Variants in GABRG3 observed in about 807,000 individuals in gnomAD.
The protein encoded by GABRG3 is gamma-aminobutyric acid receptor subunit gamma-3.
A neutral mutation model predicts 48.8 loss-of-function variants in GABRG3; 25 were observed. The observed-to-expected ratio is 0.51, with a 90% CI of 0.37 to 0.72. The LOEUF is 0.72. Among genes scored for constraint, GABRG3 ranks in the 30% least tolerant of loss-of-function variants. The probability of loss-of-function intolerance (pLI) is 0.00; values close to 1 mark genes in which losing one functional copy is unlikely to be tolerated. For synonymous variants in GABRG3, 227 were observed against 217.6 expected, an observed-to-expected ratio of 1.04 and a Z score of -0.38; for missense variants, 394 against 577.9, an observed-to-expected ratio of 0.68 and a Z score of 3.26.
At chr15:27,048,784 T>C (rs1595493125) in intron 3 of GABRG3, among the ~76,000 whole-genome samples, 1 of 152,198 alleles carries the variant, frequency 6.6e-6, no homozygotes, top group African/African-American at 2.4e-5. Context: ...CTGTGCCAGG[T>C]TGTGGCAACC....
At chr15:27,495,395 C>T (rs1255616872) in intron 6 of GABRG3, among the ~76,000 whole-genome samples, 1 of 152,148 alleles carries the variant, frequency 6.6e-6, no homozygotes, top group Non-Finnish European at 1.5e-5. Flanking sequence ...GATGATTCCA[C>T]CTCTTGGCTA....
intron 3 of GABRG3, among the ~76,000 whole-genome samples, chr15:27,160,700 T>A (rs533755971): frequency 2.6e-5 from 4 of 152,164 alleles, no homozygotes; most frequent in Non-Finnish European, 4.4e-5. Context: ...CCATAGTTTC[T>A]GGAAGTTTTC....
intron 5 of GABRG3, among the ~76,000 whole-genome samples, chr15:27,476,444 C>T (rs980917295): frequency 4.0e-5 from 6 of 151,532 alleles, no homozygotes; most frequent in Admixed American, 3.3e-4. Context: ...CTAGATATCA[C>T]CAAGTAGACA....
chr15:27,449,895 C>T (rs999484434), intron 5 of GABRG3, among the ~76,000 whole-genome samples: 4 of 152,200 alleles, frequency 2.6e-5, no homozygotes, highest in South Asian at 2.1e-4. Flanking sequence ...AAATGAAATG[C>T]ACTTCTTAAG....
At chr15:27,306,627 T>G (rs1892487268) in intron 3 of GABRG3, among the ~76,000 whole-genome samples, 2 of 105,416 alleles carry the variant, frequency 1.9e-5, no homozygotes, top group South Asian at 2.6e-4. Flanking sequence ...ATATATAATA[T>G]AAACATATAT....
intron 6 of GABRG3, among the ~76,000 whole-genome samples, chr15:27,488,384 G>T (rs1890269574): frequency 6.6e-6 from 1 of 152,166 alleles, no homozygotes; most frequent in South Asian, 2.1e-4. Flanking sequence ...AGAATGTGAT[G>T]CTGGAGCCAT....
chr15:27,449,106 C>A (rs1889032092), intron 5 of GABRG3, among the ~76,000 whole-genome samples: 1 of 152,146 alleles, frequency 6.6e-6, no homozygotes, highest in African/African-American at 2.4e-5. Flanking sequence ...CGTGCTAATC[C>A]CTCATCCTTG....
chr15:27,153,337 T>C (rs1048088534), intron 3 of GABRG3, among the ~76,000 whole-genome samples: 1 of 152,244 alleles, frequency 6.6e-6, no homozygotes, highest in Non-Finnish European at 1.5e-5. Context: ...TTCTCTATTC[T>C]GTTCCATTGA....
At chr15:27,415,703 T>C (rs1887920767) in intron 5 of GABRG3, among the ~76,000 whole-genome samples, 1 of 152,176 alleles carries the variant, frequency 6.6e-6, no homozygotes, top group Non-Finnish European at 1.5e-5. Context: ...TAATAGCCCT[T>C]CCATAGCTGA....
chr15:27,290,986 A>G (rs1468260631), intron 3 of GABRG3, among the ~76,000 whole-genome samples: 1 of 152,242 alleles, frequency 6.6e-6, no homozygotes, highest in Non-Finnish European at 1.5e-5. Context: ...TTTGTTTAAT[A>G]TTAAGAAAAT....
intron 5 of GABRG3, among the ~76,000 whole-genome samples, chr15:27,445,627 T>C (rs1168847735): frequency 2.0e-5 from 3 of 152,246 alleles, no homozygotes; most frequent in Admixed American, 1.3e-4. Flanking sequence ...GCTCCCATTC[T>C]GAGCATCATT....
At chr15:27,487,597 A>G (rs1890251536) in intron 6 of GABRG3, among the ~76,000 whole-genome samples, 1 of 152,180 alleles carries the variant, frequency 6.6e-6, no homozygotes, top group African/African-American at 2.4e-5. Flanking sequence ...CGGTTTCCAG[A>G]ACATTTTATT....
chr15:27,096,145 C>A (rs891064828), intron 3 of GABRG3, among the ~76,000 whole-genome samples: 7 of 152,344 alleles, frequency 4.6e-5, no homozygotes, highest in Non-Finnish European at 1.0e-4. Flanking sequence ...ACAGTGGGCA[C>A]CGTCACACAA....
At chr15:27,229,740 G>C (rs577966956) in intron 3 of GABRG3, among the ~76,000 whole-genome samples, 1 of 152,238 alleles carries the variant, frequency 6.6e-6, no homozygotes, top group African/African-American at 2.4e-5. Context: ...GACCCCCAAA[G>C]TGCTGGGATT....
rs734254 is a variant in GABRG3 at position 27,159,826 on chromosome 15, G to A, written c.270+133005G>A. ...CTGCTTACCTTATGGGGAGGAGGTC[G>A]CATAGATTATGTTTGTCCAGAAGGC... On this transcript the variant is annotated intron_variant, in intron 3 of 9. Coordinates refer to ENST00000615808, the MANE Select transcript of GABRG3 (RefSeq NM_033223.5). 1.9e-3 allele frequency among the ~76,000 whole-genome samples: 293 copies of A among 152,260 alleles called. 9 individuals are homozygous for A. The East Asian group carries it at 0.035, about 18-fold the overall frequency.
At chr15:27,234,311 A>T (rs1889890663) in intron 3 of GABRG3, among the ~76,000 whole-genome samples, 1 of 152,230 alleles carries the variant, frequency 6.6e-6, no homozygotes. Context: ...GAGAGCAGAC[A>T]TGTAGCTTTG....
Position 27,457,176 on chromosome 15 carries a change from A to C in GABRG3, c.575-23474A>C, listed in dbSNP as rs1246518966. On this transcript the variant is annotated intron_variant, in intron 5 of 9. Transcript: ENST00000615808. The surrounding 1 kb of genome is among the most constrained non-coding windows in gnomAD (Gnocchi z 4.4). ...ATTAGAGACCACAGTGGCGGCATGC[A>C]GCTGGACTGGGAGTGACTGCAAGGC... 6.6e-6 allele frequency among the ~76,000 whole-genome samples: 1 copy of C among 152,190 alleles called. No individual in the cohort carries two copies. Among genetic ancestry groups the C allele is most frequent in the African/African-American group, 2.4e-5 (1 of 41,444 alleles).
chr15:27,307,878 T>G (rs868767091), intron 3 of GABRG3, among the ~76,000 whole-genome samples: 2 of 77,888 alleles, frequency 2.6e-5, no homozygotes, highest in Non-Finnish European at 5.2e-5. Flanking sequence ...TAAATGTATA[T>G]GTTTATATAT....
intron 5 of GABRG3, among the ~76,000 whole-genome samples, chr15:27,362,107 C>T (rs1895043128): frequency 1.3e-5 from 2 of 152,072 alleles, no homozygotes; most frequent in Admixed American, 6.5e-5. Context: ...GTTATTTGTT[C>T]GCATGAATTT....
Sources: gnomAD v4.1 joint callset for allele counts (sites outside exome capture counted in the v4.1 genomes callset) on GRCh38, gnomAD v4.1.1 for gene constraint, Gnocchi (gnomAD v3.1) non-coding constraint, MANE v1.5 for transcripts, NCBI Gene and HGNC (gene_info 2026-07-23, HGNC 2026-07-21) for gene names.